The following RTTN variants were observed in gnomAD, a reference collection of about 807,000 sequenced individuals.
RTTN encodes the protein rotatin.
RTTN carries 182 observed loss-of-function variants against 269.2 expected under a neutral mutation model. The ratio of observed to expected loss-of-function variants is 0.68; its 90% CI spans 0.60 to 0.76. RTTN has a LOEUF of 0.76. Among genes scored for constraint, RTTN ranks in the 30% least tolerant of loss-of-function variants. The probability of loss-of-function intolerance (pLI) is 0.00; values close to 1 mark genes in which losing one functional copy is unlikely to be tolerated. For synonymous variants in RTTN, 1,006 were observed against 963.5 expected, an observed-to-expected ratio of 1.04 and a Z score of -0.82; for missense variants, 2,545 against 2,608.6, an observed-to-expected ratio of 0.98 and a Z score of 0.53.
chr18:70,123,355 A>G (rs1599662749), intron 25 of RTTN, among the ~76,000 whole-genome samples: 1 of 144,802 alleles, frequency 6.9e-6, no homozygotes. Flanking sequence ...AACATTTAAC[A>G]TCTATTCTTT....
At chr18:70,065,258 C>A in intron 35 of RTTN, among the ~76,000 whole-genome samples, 1 of 124,890 alleles carries the variant, frequency 8.0e-6, no homozygotes, top group Admixed American at 1.0e-4. Context: ...GGCTTATATA[C>A]TCTCTAGAAT....
intron 10 of RTTN, 123 bp downstream of exon 10, chr18:70,187,985 G>A: frequency 3.2e-6 from 2 of 628,410 alleles, no homozygotes; most frequent in Non-Finnish European, 5.7e-6. Context: ...CATAAGCCTG[G>A]GACATATTGA....
intron 32 of RTTN, among the ~76,000 whole-genome samples, chr18:70,084,325 G>T (rs2058647061): frequency 6.6e-6 from 1 of 152,034 alleles, no homozygotes; most frequent in African/African-American, 2.4e-5. Flanking sequence ...ACAACACTAT[G>T]AAAGGGACAC....
At chr18:70,127,943 CT>C (rs1404731245) in intron 24 of RTTN, 1 of 553,990 alleles carries the variant, frequency 1.8e-6, no homozygotes, top group African/African-American at 1.9e-5. Flanking sequence ...TTTATATTGA[CT>C]TTTCCTCCTT....
At chr18:70,041,078 G>A (rs1203989844) in intron 40 of RTTN, among the ~76,000 whole-genome samples, 1 of 151,878 alleles carries the variant, frequency 6.6e-6, no homozygotes, top group Non-Finnish European at 1.5e-5. Context: ...ACGGTGGCAA[G>A]CGCCTGTAAT....
intron 46 of RTTN, chr18:70,007,199 T>C (rs2145436879): frequency 6.6e-6 from 1 of 152,478 alleles, no homozygotes; most frequent in South Asian, 2.1e-4. Context: ...TCTGAGAAAC[T>C]GTGCCCTGAG....
chr18:70,024,957 G>A (rs2056812176), intron 43 of RTTN, 109 bp from the exon 44 acceptor site: 2 of 1,262,896 alleles, frequency 1.6e-6, no homozygotes, highest in Non-Finnish European at 2.2e-6. Context: ...GGAGAACCCT[G>A]TGGATGGCTT....
chr18:70,083,273 G>A (rs1248763876), intron 32 of RTTN, among the ~76,000 whole-genome samples: 1 of 152,004 alleles, frequency 6.6e-6, no homozygotes, highest in Non-Finnish European at 1.5e-5. Flanking sequence ...AAAATAAAAG[G>A]GGACTTATGC....
At chr18:70,032,927 A>G (rs1365551349) in intron 40 of RTTN, among the ~76,000 whole-genome samples, 1 of 152,242 alleles carries the variant, frequency 6.6e-6, no homozygotes, top group East Asian at 1.9e-4. Flanking sequence ...ACACAATCAG[A>G]CACAAAACAA....
At chr18:70,046,317 G>A (rs1031357386) in intron 40 of RTTN, among the ~76,000 whole-genome samples, 1 of 152,138 alleles carries the variant, frequency 6.6e-6, no homozygotes, top group Non-Finnish European at 1.5e-5. Context: ...TCAGCAGGGA[G>A]GGCAGGGCCC....
At chr18:70,151,134 A>G (rs1402151451) in intron 14 of RTTN, among the ~76,000 whole-genome samples, 1 of 148,484 alleles carries the variant, frequency 6.7e-6, no homozygotes, top group Non-Finnish European at 1.5e-5. Flanking sequence ...GGGAGACATA[A>G]CTTTATATAC....
intron 40 of RTTN, among the ~76,000 whole-genome samples, chr18:70,032,099 C>A (rs989919819): frequency 6.6e-6 from 1 of 152,160 alleles, no homozygotes; most frequent in Non-Finnish European, 1.5e-5. Context: ...GTGTCTATAG[C>A]GGAGCATGGC....
intron 46 of RTTN, chr18:70,008,514 G>A (rs1242212566): frequency 1.3e-5 from 2 of 151,876 alleles, no homozygotes; most frequent in African/African-American, 4.8e-5. Flanking sequence ...CTTGATAAAA[G>A]GTTACAGGAA....
intron 34 of RTTN, 128 bp from the exon 35 acceptor site, chr18:70,066,050 A>T: frequency 4.1e-6 from 2 of 491,166 alleles, no homozygotes; most frequent in Non-Finnish European, 7.1e-6. Context: ...GGATAACTAG[A>T]AAAGATTCCA....
intron 40 of RTTN, among the ~76,000 whole-genome samples, chr18:70,033,279 C>T (rs151321687): frequency 8.6e-4 from 131 of 152,334 alleles, no homozygotes; most frequent in Non-Finnish European, 1.6e-3. Flanking sequence ...GCCTGTGGAA[C>T]CATGAGCCAA....
intron 23 of RTTN, chr18:70,131,085 T>C (rs1487189522): frequency 6.6e-6 from 1 of 150,968 alleles, no homozygotes; most frequent in Non-Finnish European, 1.5e-5. Context: ...GGACTCCAAC[T>C]GCCAACCTAG....
chr18:70,175,050 A>C (rs2061255285), intron 11 of RTTN, among the ~76,000 whole-genome samples: 1 of 149,608 alleles, frequency 6.7e-6, no homozygotes, highest in Non-Finnish European at 1.5e-5. Context: ...AAAACCAAAA[A>C]AAAAAAAAAA....
At chr18:70,132,072 T>C (rs1015322637) in intron 23 of RTTN, 6 of 152,084 alleles carry the variant, frequency 3.9e-5, no homozygotes, top group Non-Finnish European at 5.9e-5. Context: ...GAGTGAATTC[T>C]ATATGATGAA....
At chr18:70,192,856 T>A (rs1265269385) in intron 8 of RTTN, among the ~76,000 whole-genome samples, 1 of 152,098 alleles carries the variant, frequency 6.6e-6, no homozygotes, top group African/African-American at 2.4e-5. Flanking sequence ...TATCTATCAT[T>A]TAAAGCTATT....
Sources: allele counts gnomAD v4.1 joint callset (sites outside exome capture counted in the v4.1 genomes callset), GRCh38; gene constraint gnomAD v4.1.1; transcripts MANE v1.5; gene names NCBI Gene and HGNC (gene_info 2026-07-23, HGNC 2026-07-21).